SENP1: variants seen among roughly 807,000 people sequenced by gnomAD.
SENP1 encodes the protein SUMO specific peptidase 1.
Under a neutral mutation model 93.0 loss-of-function variants are expected in SENP1, and 21 were observed. The ratio of observed to expected loss-of-function variants is 0.23; its 90% CI spans 0.16 to 0.33. The LOEUF is 0.33. Ranked by LOEUF, SENP1 falls within the 10% of genes least tolerant of loss-of-function variation. The pLI, the probability that SENP1 is intolerant of heterozygous loss-of-function variation, is 1.00. For synonymous variants in SENP1, 256 were observed against 259.6 expected (o/e 0.99, Z 0.13); for missense variants, 591 against 758.7 (o/e 0.78, Z 2.60).
At chr12:48,087,198 A>T (rs1944936158) in intron 5 of SENP1, among the ~76,000 whole-genome samples, 1 of 152,226 alleles carries the variant, frequency 6.6e-6, no homozygotes, top group Non-Finnish European at 1.5e-5. Flanking sequence ...CTTAGGGTAT[A>T]AAACAAAATT....
chr12:48,096,698 C>T (rs1333189889), intron 3 of SENP1, among the ~76,000 whole-genome samples: 1 of 152,112 alleles, frequency 6.6e-6, no homozygotes, highest in African/African-American at 2.4e-5. Flanking sequence ...TCAGGTGATC[C>T]GCCCACCTCG....
Position 48,048,953 on chromosome 12 carries a change from G to A in SENP1, c.1587C>T (p.His529=). 6.2e-7 allele frequency: 1 copy of A among 1,613,528 alleles called. No individual in the cohort carries two copies. Among genetic ancestry groups the A allele is most frequent in the Non-Finnish European group, 8.5e-7 (1 of 1,179,610 alleles). The change falls in exon 14 of 18, where the codon CAC becomes CAT. Residue 529 remains histidine, a synonymous_variant. Transcript: ENST00000549518. Reference sequence around the variant, plus strand: ...CAGCTAGACACCAGTGTACTCCCAGGTGAATGGGCACCAAAAGAATGTCAA... The same window carrying A: ...CAGCTAGACACCAGTGTACTCCCAGATGAATGGGCACCAAAAGAATGTCAA... ...FSVDILLVPI[H]LGVHWCLAVV...
intron 13 of SENP1, among the ~76,000 whole-genome samples, chr12:48,060,879 T>C (rs1942913604): frequency 6.6e-6 from 1 of 152,234 alleles, no homozygotes; most frequent in African/African-American, 2.4e-5. Context: ...TGCCTCCTTT[T>C]GTATTCTTTA....
At chr12:48,073,427 A>G (rs182893748) in intron 8 of SENP1, among the ~76,000 whole-genome samples, 3 of 152,150 alleles carry the variant, frequency 2.0e-5, no homozygotes, top group East Asian at 3.9e-4. Flanking sequence ...GATTAAAAAA[A>G]AAACCTCAAA....
At chr12:48,084,298 C>T (rs755991893) in intron 5 of SENP1, among the ~76,000 whole-genome samples, 62 of 152,162 alleles carry the variant, frequency 4.1e-4, no homozygotes, top group Non-Finnish European at 7.5e-4. Flanking sequence ...TATTAGGCTG[C>T]GTCATTAAAT....
At chr12:48,050,188 T>C (rs1465293085) in intron 13 of SENP1, among the ~76,000 whole-genome samples, 1 of 152,194 alleles carries the variant, frequency 6.6e-6, no homozygotes, top group African/African-American at 2.4e-5. Context: ...CTTGGAAATA[T>C]GACTAAGAAA....
chr12:48,094,770 T>C (rs1046896897), intron 4 of SENP1, among the ~76,000 whole-genome samples: 1 of 152,152 alleles, frequency 6.6e-6, no homozygotes, highest in African/African-American at 2.4e-5. Context: ...GAATTTTCTA[T>C]ATAACTTTAT....
At chr12:48,047,122 CTAAGAA>C in intron 15 of SENP1, 60 bp from the exon 16 acceptor site, 1 of 1,046,896 alleles carries the variant, frequency 9.6e-7, no homozygotes, top group East Asian at 2.4e-5. Context: ...AGCTGCCACA[CTAAGAA>C]TGGGGCTGAC....
intron 13 of SENP1, among the ~76,000 whole-genome samples, chr12:48,057,751 C>T (rs1005062859): frequency 1.3e-4 from 19 of 150,560 alleles, no homozygotes; most frequent in South Asian, 4.2e-4. Flanking sequence ...CAGGCACACA[C>T]GATGACGGGC....
intron 13 of SENP1, among the ~76,000 whole-genome samples, chr12:48,058,406 CTTTTT>C (rs946102631): frequency 2.0e-5 from 3 of 151,958 alleles, no homozygotes; most frequent in African/African-American, 7.3e-5. Context: ...TCTATTTGTT[CTTTTT>C]ATCTTTTTTC....
intron 13 of SENP1, among the ~76,000 whole-genome samples, chr12:48,056,557 TATATAA>T (rs1449947425): frequency 4.6e-5 from 3 of 65,512 alleles, no homozygotes; most frequent in Admixed American, 5.8e-4. Context: ...ATATATTACA[TATATAA>T]ATATATTATT....
chr12:48,069,449 T>C (rs1943530943), intron 9 of SENP1, among the ~76,000 whole-genome samples: 1 of 152,142 alleles, frequency 6.6e-6, no homozygotes, highest in South Asian at 2.1e-4. Flanking sequence ...CAACAGACCA[T>C]TTCTCCTGCC....
intron 6 of SENP1, among the ~76,000 whole-genome samples, chr12:48,077,156 T>C (rs775472021): frequency 2.0e-5 from 3 of 152,250 alleles, no homozygotes; most frequent in Non-Finnish European, 4.4e-5. Context: ...GGTATTGAGT[T>C]GAGCTCCTTA....
chr12:48,056,522 A>G (rs1942404979), intron 13 of SENP1, among the ~76,000 whole-genome samples: 1 of 79,110 alleles, frequency 1.3e-5, no homozygotes, highest in Admixed American at 2.2e-4. Flanking sequence ...TATTTAATAT[A>G]TTACATATAT....
At chr12:48,059,043 T>C (rs1279705354) in intron 13 of SENP1, among the ~76,000 whole-genome samples, 1 of 152,222 alleles carries the variant, frequency 6.6e-6, no homozygotes, top group Non-Finnish European at 1.5e-5. Flanking sequence ...TTGCACTTAA[T>C]ATTTTTATCA....
intron 13 of SENP1, among the ~76,000 whole-genome samples, chr12:48,058,175 A>AC (rs777845584): frequency 2.0e-5 from 3 of 151,688 alleles, no homozygotes; most frequent in Non-Finnish European, 4.4e-5. Flanking sequence ...CAAACTCCTG[A>AC]CCCCAAGTGA....
At chr12:48,087,033 C>T (rs1032252095) in intron 5 of SENP1, among the ~76,000 whole-genome samples, 10 of 151,550 alleles carry the variant, frequency 6.6e-5, no homozygotes, top group African/African-American at 1.7e-4. Flanking sequence ...AGCAAGGCTC[C>T]GTCTCAACAA....
At chr12:48,105,690 C>T in intron 1 of SENP1, 1 of 457,614 alleles carries the variant, frequency 2.2e-6, no homozygotes, top group Non-Finnish European at 4.1e-6. Context: ...GCGGGAAAGC[C>T]CCGGAATCGC....
chr12:48,072,907 C>A (rs1943808936), intron 8 of SENP1, among the ~76,000 whole-genome samples: 2 of 150,148 alleles, frequency 1.3e-5, no homozygotes, highest in East Asian at 2.0e-4. Flanking sequence ...CCTCCCCCCA[C>A]AGATAAGGGG....
Sources: gnomAD v4.1 joint callset for allele counts (sites outside exome capture counted in the v4.1 genomes callset) on GRCh38, gnomAD v4.1.1 for gene constraint, MANE v1.5 for transcripts, NCBI Gene and HGNC (gene_info 2026-07-23, HGNC 2026-07-21) for gene names.